The following OR10G2 variants were observed in gnomAD, a reference collection of about 807,000 sequenced individuals.
OR10G2 encodes the protein olfactory receptor 10G2.
For synonymous variants in OR10G2, 147 were observed against 164.2 expected, an observed-to-expected ratio of 0.90 and a Z score of 0.80; for missense variants, 396 against 387.6, an observed-to-expected ratio of 1.02 and a Z score of -0.18.
Position 21,633,952 on chromosome 14 carries a change from G to C in OR10G2, c.891C>G (p.Asn297Lys), listed in dbSNP as rs202068975. 4 of 1,612,558 alleles carry C rather than the reference G, an allele frequency of 2.5e-6. No individual in the cohort carries two copies. The highest frequency in any genetic ancestry group is 3.4e-6 in the Non-Finnish European group (4 of 1,179,462). Residue 297 changes from asparagine (N) to lysine (K), a missense_variant, in exon 1 of 1, where the codon AAC becomes AAG. By Grantham distance (94) the Asn-to-Lys change is moderately conservative. Transcript: ENST00000542433. ...LLNPLIYTLR[N>K]QEVKSALKRI... ...TCTTCAGGGCAGACTTCACTTCCTG[G>C]TTCCTCAGTGTATAGATGAGGGGGT...
At position 21,634,584 on chromosome 14, in the gene OR10G2, T is replaced by G. The variant is rs1878634769; in HGVS notation, c.259A>C (p.Ile87Leu). The change falls in exon 1 of 1, where the codon ATT becomes CTT. Residue 87 changes from isoleucine to leucine, a missense_variant. Ile to Leu is a conservative substitution (Grantham distance 5). Coordinates refer to ENST00000542433, the MANE Select transcript of OR10G2 (RefSeq NM_001005466.2). ...TTGATGGAAGGAGTAAAATCCAAAA[T>G]AAGCAGAGGAACGGTGACTGAGGAG... ...WLSSVTVPLL[I>L]LDFTPSIKAI... is the part of the protein sequence containing the mutation. 6.2e-7 allele frequency: 1 copy of G among 1,613,972 alleles called. No individual in the cohort carries two copies. Among genetic ancestry groups the G allele is most frequent in the Non-Finnish European group, 8.5e-7 (1 of 1,179,978 alleles).
Position 21,633,864 on chromosome 14 carries a change from G to T in OR10G2, c.*46C>A. ...CATGCAGCAGTAGCTGAAGAGAGTGGCAGTGATAATGATGCAGATGTAGTT... is the reference window on the plus strand; with the variant it reads ...CATGCAGCAGTAGCTGAAGAGAGTGTCAGTGATAATGATGCAGATGTAGTT... On this transcript the variant is annotated 3_prime_UTR_variant, in exon 1 of 1. Coordinates refer to ENST00000542433, the MANE Select transcript of OR10G2 (RefSeq NM_001005466.2). The T allele has an allele frequency of 7.6e-7, 1 of 1,312,600 alleles. No homozygotes were observed. The allele number at this position is 1,312,600 out of a possible 1,614,324, so 81.3% of individuals were successfully genotyped here. A position where few individuals can be genotyped will look rare whatever the true frequency, so the allele number is the denominator to read the frequency against.
chr14:21,634,638 C>A lies in OR10G2; in HGVS notation c.205G>T (p.Gly69Ter). 6.2e-7 allele frequency: 1 copy of A among 1,614,060 alleles called. No individual in the cohort carries two copies. Among genetic ancestry groups the A allele is most frequent in the Non-Finnish European group, 8.5e-7 (1 of 1,180,010 alleles). The change falls in exon 1 of 1, where the codon GGA becomes TGA. Residue 69 changes from glycine (G) to a stop codon, truncating the protein, a stop_gained. Transcript: ENST00000542433. LOFTEE classifies it low-confidence loss of function (END_TRUNC). ...CACATGTCCAGGAATGAGAGCACTC[C>A]CAGAAGAATGTACATGGGGCGAGCA... ...LCARPMYILLGVLSFLDMWLS... is the reference protein window; with the variant it reads ...LCARPMYILL
Position 21,634,549 on chromosome 14 carries a change from C to T in OR10G2, c.294G>A (p.Pro98=), listed in dbSNP as rs749275776. The T allele has an allele frequency of 3.4e-5, 55 of 1,614,032 alleles. 1 individual carries two copies. The highest frequency in any genetic ancestry group is 6.7e-5 in the East Asian group (3 of 44,900). ...ACAGTTGAGCCACACAGCCACCAAA[C>T]GGGATAGCCTTGATGGAAGGAGTAA... ...LDFTPSIKAI[P]FGGCVAQLYF... is the part of the protein sequence containing the mutation. The change falls in exon 1 of 1, where the codon CCG becomes CCA. Residue 98 remains proline, a synonymous_variant. Coordinates refer to ENST00000542433, the MANE Select transcript of OR10G2 (RefSeq NM_001005466.2).
rs141709285 is a variant in OR10G2, at chr14:21,634,725, T to C, written c.118A>G (p.Ile40Val). ...LLFLVFFIIY[I>V]LTQLGNLLIL... is the part of the protein sequence containing the mutation. ...AGCAGGTTCCCCAGCTGAGTGAGGA[T>C]GTAAATGATGAAGAAGACCAGGAAG... The change falls in exon 1 of 1, where the codon ATC (isoleucine) becomes GTC (valine). Residue 40 changes from isoleucine to valine, a missense_variant. Transcript: ENST00000542433. The C allele has an allele frequency of 2.0e-5, 33 of 1,614,130 alleles. No homozygotes were observed. The African/African-American group carries it at 3.7e-4, about 18-fold the overall frequency.
At position 21,634,240 on chromosome 14, in the gene OR10G2, C is replaced by A. The variant is rs1243755353; in HGVS notation, c.603G>T (p.Glu201Asp). ...RLACADTTVN[E>D]LVTFVDVGVV... is the part of the protein sequence containing the mutation. ...CCCCGACGTCCACAAAGGTCACAAG[C>A]TCATTGACAGTTGTGTCAGCACAGG... Residue 201 changes from glutamate (E) to aspartate (D), a missense_variant, in exon 1 of 1, where the codon GAG (glutamate) becomes GAT (aspartate). Coordinates refer to ENST00000542433, the MANE Select transcript of OR10G2 (RefSeq NM_001005466.2). 6.2e-7 allele frequency: 1 copy of A among 1,614,196 alleles called. No homozygotes were observed. Among genetic ancestry groups the A allele is most frequent in the Admixed American group, 1.7e-5 (1 of 60,026 alleles).
In OR10G2 at chr14:21,634,027, G is replaced by A. The variant is rs750248230; in HGVS notation, c.816C>T (p.Pro272=). The A allele has an allele frequency of 1.2e-6, 2 of 1,614,144 alleles. No homozygotes were observed. The highest frequency in any genetic ancestry group is 2.7e-5 in the African/African-American group (2 of 75,030). ...AAAACACAGCCGCTGCCCCATCCAGGGGGTCTTTGGAGCCAGCCCTAAGGT... is the reference window on the plus strand; with the variant it reads ...AAAACACAGCCGCTGCCCCATCCAGAGGGTCTTTGGAGCCAGCCCTAAGGT... ...FIYLRAGSKD[P]LDGAAAVFYT... is the part of the protein sequence containing the mutation. The change falls in exon 1 of 1, where the codon CCC becomes CCT. Residue 272 remains proline, a synonymous_variant. Coordinates refer to ENST00000542433, the MANE Select transcript of OR10G2 (RefSeq NM_001005466.2).
At position 21,634,912 on chromosome 14, in the gene OR10G2, G is replaced by T; in HGVS notation, c.-70C>A. 1 of 1,237,594 alleles carries T rather than the reference G, an allele frequency of 8.1e-7. No homozygotes were observed. The highest frequency in any genetic ancestry group is 1.1e-6 in the Non-Finnish European group (1 of 880,550). The allele number at this position is 1,237,594 out of a possible 1,614,324, so 76.7% of individuals were successfully genotyped here. On this transcript the variant is annotated 5_prime_UTR_variant, in exon 1 of 1. Coordinates refer to ENST00000542433, the MANE Select transcript of OR10G2 (RefSeq NM_001005466.2). ...GAAACACAGCACAATGATGTTGTAA[G>T]TGAATGCTTTTGTCGGATGATTGAT...
At position 21,634,093 on chromosome 14, in the gene OR10G2, T is replaced by C. The variant is rs775726701; in HGVS notation, c.750A>G (p.Leu250=). The change falls in exon 1 of 1, where the codon CTA becomes CTG. Residue 250 remains leucine (L), a synonymous_variant. Transcript: ENST00000542433. ...GGACATAGTAGACTGTGACCACGAT[T>C]AGGTGGGAGCCACAGGTGGAGAAGG... is the stretch of plus-strand genomic sequence containing the variant. ...RRAFSTCGSH[L]IVVTVYYVPC... 6 of 1,613,956 alleles carry C rather than the reference T, an allele frequency of 3.7e-6. No individual in the cohort carries two copies. The highest frequency in any genetic ancestry group is 5.1e-6 in the Non-Finnish European group (6 of 1,179,968).
rs750094846 is a variant in OR10G2, at chr14:21,634,334, C to T, written c.509G>A (p.Arg170His). ...CTGATTGGGCCCACAGTAGGGCAGG[C>T]GGAAGGTCAAGGTGGCCTGGATAGA... is the stretch of plus-strand genomic sequence containing the variant. ...HGSIQATLTF[R>H]LPYCGPNQVD... The change falls in exon 1 of 1, where the codon CGC becomes CAC. Residue 170 changes from arginine (R) to histidine (H), a missense_variant. Coordinates refer to ENST00000542433, the MANE Select transcript of OR10G2 (RefSeq NM_001005466.2). The T allele has an allele frequency of 1.3e-5, 21 of 1,614,016 alleles. No individual in the cohort carries two copies. The highest frequency in any genetic ancestry group is 2.2e-5 in the South Asian group (2 of 91,082).
rs150805436 is a variant in OR10G2, at chr14:21,634,249, A to G, written c.594T>C (p.Thr198=). 14 of 1,614,222 alleles carry G rather than the reference A, an allele frequency of 8.7e-6. No individual in the cohort carries two copies. In the East Asian group the frequency reaches 2.9e-4, roughly 33 times the overall value. ...CCACAAAGGTCACAAGCTCATTGACAGTTGTGTCAGCACAGGCCAGTCTCA... is the reference window on the plus strand; with the variant it reads ...CCACAAAGGTCACAAGCTCATTGACGGTTGTGTCAGCACAGGCCAGTCTCA... ...AVLRLACADT[T]VNELVTFVDV... is the part of the protein sequence containing the mutation. Residue 198 remains threonine, a synonymous_variant, in exon 1 of 1, where the codon ACT becomes ACC. Coordinates refer to ENST00000542433, the MANE Select transcript of OR10G2 (RefSeq NM_001005466.2).
chr14:21,634,809 C>T lies in OR10G2; in HGVS notation c.34G>A (p.Val12Met), dbSNP rs369981349. The change falls in exon 1 of 1, where the codon GTG becomes ATG. Residue 12 changes from valine (V) to methionine (M), a missense_variant. Physicochemically the swap from Val to Met is conservative, Grantham distance 21 (BLOSUM62 1). Transcript: ENST00000542433. The stretch of plus-strand genomic sequence containing the variant: ...CCCAGAAGAATGAAATCTGTCACCA[C>T]GGCATCCAGCGATGTGTTTTTGGTC... Reference protein sequence around the residue: ...GKTKNTSLDAVVTDFILLGLS... With the variant: ...GKTKNTSLDAMVTDFILLGLS... The T allele has an allele frequency of 5.4e-5, 87 of 1,612,610 alleles. No individual in the cohort carries two copies. In the African/African-American group the frequency reaches 9.7e-4, roughly 18 times the overall value.
chr14:21,634,319 C>T lies in OR10G2; in HGVS notation c.524G>A (p.Gly175Glu), dbSNP rs957732498. The T allele has an allele frequency of 3.1e-6, 5 of 1,614,182 alleles. No homozygotes were observed. The highest frequency in any genetic ancestry group is 3.3e-5 in the Admixed American group (2 of 60,022). The change falls in exon 1 of 1, where the codon GGG (glycine) becomes GAG (glutamate). Residue 175 changes from glycine to glutamate, a missense_variant. By Grantham distance (98) the Gly-to-Glu change is moderately conservative (BLOSUM62 -2). Coordinates refer to ENST00000542433, the MANE Select transcript of OR10G2 (RefSeq NM_001005466.2). ...GATAAAGTAATCCACCTGATTGGGCCCACAGTAGGGCAGGCGGAAGGTCAA... is the reference window on the plus strand; with the variant it reads ...GATAAAGTAATCCACCTGATTGGGCTCACAGTAGGGCAGGCGGAAGGTCAA... ...ATLTFRLPYC[G>E]PNQVDYFICD...
rs1194690478 is a variant in OR10G2, at chr14:21,634,410, A to G, written c.433T>C (p.Leu145=). 1.2e-6 allele frequency: 2 copies of G among 1,614,156 alleles called. No homozygotes were observed. Among genetic ancestry groups the G allele is most frequent in the East Asian group, 2.2e-5 (1 of 44,888 alleles). The change falls in exon 1 of 1, where the codon TTA becomes CTA. Residue 145 remains leucine, a synonymous_variant. Coordinates refer to ENST00000542433, the MANE Select transcript of OR10G2 (RefSeq NM_001005466.2). ...LRYPVLMNGR[L]CTVLVAGAWV... ...GCTCCAGCCACAAGGACTGTGCATA[A>G]CCTCCCATTCATGAGCACTGGGTAG...
rs1878646663 is a variant in OR10G2 at position 21,634,692 on chromosome 14, G to C, written c.151C>G (p.Leu51Val). 1 of 1,614,102 alleles carries C rather than the reference G, an allele frequency of 6.2e-7. No individual in the cohort carries two copies. Among genetic ancestry groups the C allele is most frequent in the South Asian group, 1.1e-5 (1 of 91,090 alleles). The change falls in exon 1 of 1, where the codon CTC (leucine) becomes GTC (valine). Residue 51 changes from leucine to valine, a missense_variant. Physicochemically the swap from Leu to Val is conservative, Grantham distance 32. Transcript: ENST00000542433. The part of the protein sequence containing the change: ...LTQLGNLLIL[L>V]TMWADPKLCA... ...AGCTTCGGGTCAGCCCACATGGTGAGCAGAATGAGCAGGTTCCCCAGCTGA... is the reference window on the plus strand; with the variant it reads ...AGCTTCGGGTCAGCCCACATGGTGACCAGAATGAGCAGGTTCCCCAGCTGA...
At position 21,634,871 on chromosome 14, in the gene OR10G2, G is replaced by A. The variant is rs1566564227; in HGVS notation, c.-29C>T. ...TTTTTGTAGTCTGCTAAGATGAATGGTGACGTTTGACAAGAGAAACACAGC... is the reference window on the plus strand; with the variant it reads ...TTTTTGTAGTCTGCTAAGATGAATGATGACGTTTGACAAGAGAAACACAGC... On this transcript the variant is annotated 5_prime_UTR_variant, in exon 1 of 1. Transcript: ENST00000542433. The A allele has an allele frequency of 1.3e-6, 2 of 1,533,466 alleles. No homozygotes were observed. The highest frequency in any genetic ancestry group is 2.5e-5 in the South Asian group (2 of 79,866). 95.0% of individuals were successfully genotyped at this position (1,533,466 alleles called of 1,614,324 possible).
In OR10G2 at chr14:21,634,598, G is replaced by A. The variant is rs201150502; in HGVS notation, c.245C>T (p.Thr82Ile). Residue 82 changes from threonine to isoleucine, a missense_variant, in exon 1 of 1, where the codon ACC becomes ATC. Transcript: ENST00000542433. ...SFLDMWLSSV[T>I]VPLLILDFTP... is the part of the protein sequence containing the mutation. ...AAAATCCAAAATAAGCAGAGGAACG[G>A]TGACTGAGGAGAGCCACATGTCCAG... The A allele has an allele frequency of 1.4e-4, 230 of 1,614,014 alleles. No homozygotes were observed. The highest frequency in any genetic ancestry group is 6.0e-4 in the East Asian group (27 of 44,884).
Position 21,633,955 on chromosome 14 carries a change from C to A in OR10G2, c.888G>T (p.Arg296Ser). Residue 296 changes from arginine (R) to serine (S), a missense_variant, in exon 1 of 1, where the codon AGG (arginine) becomes AGT (serine). Arg to Ser is a moderately radical substitution (Grantham distance 110). Transcript: ENST00000542433. The part of the protein sequence containing the change: ...PLLNPLIYTL[R>S]NQEVKSALKR... ...TCAGGGCAGACTTCACTTCCTGGTT[C>A]CTCAGTGTATAGATGAGGGGGTTCA... 1 of 1,612,848 alleles carries A rather than the reference C, an allele frequency of 6.2e-7. No homozygotes were observed. Among genetic ancestry groups the A allele is most frequent in the Non-Finnish European group, 8.5e-7 (1 of 1,179,582 alleles).
Position 21,634,509 on chromosome 14 carries a change from G to T in OR10G2, c.334C>A (p.Leu112Met). ...TAGAGGAAGCACTGGGTGCTGCCCA[G>T]GAAGTGAAAGAAATACAGTTGAGCC... The part of the protein sequence containing the change: ...CVAQLYFFHF[L>M]GSTQCFLYTL... Residue 112 changes from leucine (L) to methionine (M), a missense_variant, in exon 1 of 1, where the codon CTG (leucine) becomes ATG (methionine). Leu to Met is a conservative substitution (Grantham distance 15). Transcript: ENST00000542433. 2.5e-6 allele frequency: 4 copies of T among 1,614,200 alleles called. No homozygotes were observed. The highest frequency in any genetic ancestry group is 3.4e-6 in the Non-Finnish European group (4 of 1,180,036).
Sources: gnomAD v4.1 joint callset for allele counts on GRCh38, gnomAD v4.1.1 for gene constraint, MANE v1.5 for transcripts, NCBI Gene and HGNC (gene_info 2026-07-23, HGNC 2026-07-21) for gene names.